Variants in HDAC11 observed in about 807,000 individuals in gnomAD.
HDAC11 encodes the protein histone deacetylase 11.
A neutral mutation model predicts 41.1 loss-of-function variants in HDAC11; 23 were observed. That is an observed-to-expected ratio of 0.56 (90% confidence interval 0.40 to 0.79). HDAC11 has a LOEUF of 0.79. Ranked by LOEUF, HDAC11 falls within the 30% of genes least tolerant of loss-of-function variation. The pLI is 0.00. For missense variants in HDAC11, 402 were observed against 477.3 expected (o/e 0.84, Z 1.47); for synonymous variants, 187 against 186.6 (o/e 1.00, Z -0.02).
At chr3:13,486,224 G>A (rs1168965766) in intron 3 of HDAC11, among the ~76,000 whole-genome samples, 12 of 135,064 alleles carry the variant, frequency 8.9e-5, no homozygotes, top group African/African-American at 1.4e-4. Flanking sequence ...CCGAGATTGC[G>A]CCATTGCACT....
At chr3:13,499,561 C>T (rs75195810) in intron 5 of HDAC11, among the ~76,000 whole-genome samples, 5,455 of 152,262 alleles carry the variant, frequency 0.036, 365 homozygotes, top group East Asian at 0.27. Flanking sequence ...CGTACTGGAT[C>T]GTGTAGAGCC....
intron 5 of HDAC11, 101 bp from the exon 6 acceptor site, chr3:13,500,612 C>T: frequency 2.1e-6 from 2 of 949,178 alleles, no homozygotes; most frequent in Non-Finnish European, 3.2e-6. Flanking sequence ...TTCCTGAGAG[C>T]TGAGCAGGGA....
intron 6 of HDAC11, 61 bp from the exon 7 acceptor site, chr3:13,501,810 C>G: frequency 6.6e-7 from 1 of 1,506,484 alleles, no homozygotes; most frequent in South Asian, 1.1e-5. Context: ...CTGGGAGTTG[C>G]TGTAGGGCTG....
Position 13,481,229 on chromosome 3 carries a change from CT to C in HDAC11, c.3-12del. 1 of 1,610,034 alleles carries C rather than the reference CT, an allele frequency of 6.2e-7. No individual in the cohort carries two copies. Among genetic ancestry groups the C allele is most frequent in the Non-Finnish European group, 8.5e-7 (1 of 1,178,740 alleles). On this transcript the variant is annotated splice_polypyrimidine_tract_variant and intron_variant, in intron 1 of 9. Transcript: ENST00000295757. ...GAGGCTGCCCCAGCTGTGCGTCTGT[CT>C]TTTTCCACACGGTAGGCTACACACA...
intron 3 of HDAC11, among the ~76,000 whole-genome samples, chr3:13,488,788 G>A (rs1701713842): frequency 6.6e-6 from 1 of 152,162 alleles, no homozygotes; most frequent in Admixed American, 6.6e-5. Context: ...GAATTACTGG[G>A]TCACATGGTA....
chr3:13,482,925 A>G (rs1701387114), intron 2 of HDAC11, among the ~76,000 whole-genome samples: 1 of 152,046 alleles, frequency 6.6e-6, no homozygotes, highest in African/African-American at 2.4e-5. Context: ...CATGTTTTTG[A>G]TATTTTGTAG....
intron 3 of HDAC11, among the ~76,000 whole-genome samples, chr3:13,483,932 TTTTG>T (rs938090045): frequency 1.2e-4 from 18 of 152,020 alleles, no homozygotes; most frequent in East Asian, 1.9e-4. Flanking sequence ...CTTTGGTCTA[TTTTG>T]TTTGTTTGTT....
chr3:13,500,086 G>A (rs1021550337), intron 5 of HDAC11, among the ~76,000 whole-genome samples: 1 of 152,168 alleles, frequency 6.6e-6, no homozygotes. Flanking sequence ...GCCTCCTGGG[G>A]GGTGGGAGAG....
chr3:13,491,533 C>T (rs953572802), intron 3 of HDAC11, among the ~76,000 whole-genome samples: 8 of 152,098 alleles, frequency 5.3e-5, no homozygotes, highest in African/African-American at 1.4e-4. Flanking sequence ...AAGCAGTGGG[C>T]GCCCTAGAGG....
At chr3:13,496,956 C>T in intron 4 of HDAC11, 104 bp downstream of exon 4, 1 of 559,612 alleles carries the variant, frequency 1.8e-6, no homozygotes. Flanking sequence ...AGTAGTTGAA[C>T]AGAATCCTAA....
intron 3 of HDAC11, among the ~76,000 whole-genome samples, chr3:13,487,215 C>A (rs540182289): frequency 2.0e-5 from 3 of 152,200 alleles, no homozygotes; most frequent in Non-Finnish European, 2.9e-5. Context: ...AGCTCAGGAA[C>A]ATCTCCCACC....
At chr3:13,492,208 GC>G (rs2125005162) in intron 3 of HDAC11, among the ~76,000 whole-genome samples, 1 of 152,340 alleles carries the variant, frequency 6.6e-6, no homozygotes, top group African/African-American at 2.4e-5. Flanking sequence ...CCACAGGGTT[GC>G]CCTGCCCAGA....
chr3:13,500,913 G>C (rs1422298461), intron 6 of HDAC11, 124 bp downstream of exon 6: 12 of 727,314 alleles, frequency 1.6e-5, no homozygotes, highest in Non-Finnish European at 2.4e-5. Flanking sequence ...CAGGGAGGGG[G>C]CTTGTTTGGG....
intron 8 of HDAC11, among the ~76,000 whole-genome samples, chr3:13,503,505 G>A (rs919264925): frequency 3.3e-5 from 5 of 152,222 alleles, no homozygotes; most frequent in Non-Finnish European, 5.9e-5. Flanking sequence ...CGGAGGTTTC[G>A]GTAAGCCGAG....
At chr3:13,504,043 G>C in intron 8 of HDAC11, 51 bp from the exon 9 acceptor site, 1 of 1,560,956 alleles carries the variant, frequency 6.4e-7, no homozygotes, top group Non-Finnish European at 8.8e-7. Context: ...CTTGTCCTGA[G>C]CCTCAGTTTC....
chr3:13,483,554 A>G lies in HDAC11; in HGVS notation c.242A>G (p.Asn81Ser), dbSNP rs757957557. ...LLVVHTRRYL[N>S]ELKWSFAVAT... ...GTGGTGCACACGAGGCGCTATCTTAATGAGCTCAAGGTACAGGATGTCGGG... is the reference window on the plus strand; with the variant it reads ...GTGGTGCACACGAGGCGCTATCTTAGTGAGCTCAAGGTACAGGATGTCGGG... The change falls in exon 3 of 10, where the codon AAT (asparagine) becomes AGT (serine). Residue 81 changes from asparagine (N) to serine (S), a missense_variant. Asn to Ser is a conservative substitution (Grantham distance 46). Coordinates refer to ENST00000295757, the MANE Select transcript of HDAC11 (RefSeq NM_024827.4). 6.3e-7 allele frequency: 1 copy of G among 1,598,828 alleles called. No individual in the cohort carries two copies. Among genetic ancestry groups the G allele is most frequent in the South Asian group, 1.1e-5 (1 of 90,822 alleles).
In HDAC11 at chr3:13,494,614, G is replaced by A. The variant is rs559734156; in HGVS notation, c.253-2122G>A. Among the ~76,000 whole-genome samples the A allele has an allele frequency of 1.4e-4, 21 of 152,306 alleles. No individual in the cohort carries two copies. In the South Asian group the frequency reaches 4.1e-3, roughly 30 times the overall value. ...CCTCCATGTTACCGCCAGAGGGCCTGGGCTTGTGGAAGTGGTGCCCCGTGG... is the reference window on the plus strand; with the variant it reads ...CCTCCATGTTACCGCCAGAGGGCCTAGGCTTGTGGAAGTGGTGCCCCGTGG... On this transcript the variant is annotated intron_variant, in intron 3 of 9. Coordinates refer to ENST00000295757, the MANE Select transcript of HDAC11 (RefSeq NM_024827.4).
chr3:13,484,259 C>T (rs765363509), intron 3 of HDAC11, among the ~76,000 whole-genome samples: 5 of 152,230 alleles, frequency 3.3e-5, no homozygotes, highest in African/African-American at 7.2e-5. Context: ...CCACCGCACC[C>T]ACCCTATTTT....
At chr3:13,495,468 G>A (rs1425331461) in intron 3 of HDAC11, among the ~76,000 whole-genome samples, 2 of 151,902 alleles carry the variant, frequency 1.3e-5, no homozygotes, top group East Asian at 2.0e-4. Flanking sequence ...CCCGACACCT[G>A]GGCCCTCTAC....
Sources: allele counts gnomAD v4.1 joint callset (sites outside exome capture counted in the v4.1 genomes callset), GRCh38; gene constraint gnomAD v4.1.1; transcripts MANE v1.5; gene names NCBI Gene and HGNC (gene_info 2026-07-23, HGNC 2026-07-21).